Variants in ANKRD11 observed in about 807,000 individuals in gnomAD.
ANKRD11 encodes the protein ankyrin repeat domain-containing protein 11.
ANKRD11 carries 17 observed loss-of-function variants against 195.7 expected under a neutral mutation model. That is an observed-to-expected ratio of 0.09 (90% CI 0.06 to 0.13). ANKRD11 has a LOEUF of 0.13. Among genes scored for constraint, ANKRD11 ranks in the 10% least tolerant of loss-of-function variants. The probability of loss-of-function intolerance (pLI) is 1.00; values close to 1 mark genes in which losing one functional copy is unlikely to be tolerated. For missense variants in ANKRD11, 3,735 were observed against 3,566.1 expected, an observed-to-expected ratio of 1.05 and a Z score of -1.21; for synonymous variants, 1,953 against 1,528.1, an observed-to-expected ratio of 1.28 and a Z score of -6.49.
At chr16:89,459,699 T>G (rs1373579661) in intron 1 of ANKRD11, among the ~76,000 whole-genome samples, 2 of 152,152 alleles carry the variant, frequency 1.3e-5, no homozygotes, top group Admixed American at 6.5e-5. Flanking sequence ...TGGCCCATGC[T>G]TGTAATCCCA....
intron 11 of ANKRD11, chr16:89,271,339 G>A (rs755089058): frequency 6.9e-6 from 2 of 291,298 alleles, no homozygotes; most frequent in Non-Finnish European, 1.3e-5. Flanking sequence ...CAGGGTTCAA[G>A]CGATTCTCCT....
intron 2 of ANKRD11, among the ~76,000 whole-genome samples, chr16:89,400,032 C>T (rs28431356): frequency 0.84 from 68,924 of 82,006 alleles, 29,108 homozygotes; most frequent in Middle Eastern, 0.94. Context: ...CGCTGGAGGC[C>T]GGTCATCTGC....
chr16:89,274,182 C>G (rs913835345), intron 11 of ANKRD11, among the ~76,000 whole-genome samples: 6 of 152,204 alleles, frequency 3.9e-5, no homozygotes, highest in Non-Finnish European at 5.9e-5. Context: ...AGCCACGGGG[C>G]CCTGGCCGCC....
intron 2 of ANKRD11, among the ~76,000 whole-genome samples, chr16:89,351,118 G>C (rs1451460346): frequency 6.6e-6 from 1 of 152,222 alleles, no homozygotes; most frequent in Non-Finnish European, 1.5e-5. Flanking sequence ...AGCTCTCAGA[G>C]AGAATGCACG....
Position 89,280,413 on chromosome 16 carries a change from G to A in ANKRD11, c.6129C>T (p.Ala2043=), listed in dbSNP as rs761444143. The change falls in exon 9 of 13, where the codon GCC becomes GCT. Residue 2043 remains alanine (A), a synonymous_variant. Coordinates refer to ENST00000301030, the MANE Select transcript of ANKRD11 (RefSeq NM_013275.6). ...GLEDVKDGVD[A]VPAAISTSEA... ...CTGAGGTGGAGATGGCGGCGGGGACGGCGTCCACTCCGTCCTTGACGTCCT... is the reference window on the plus strand; with the variant it reads ...CTGAGGTGGAGATGGCGGCGGGGACAGCGTCCACTCCGTCCTTGACGTCCT... 15 of 1,563,832 alleles carry A rather than the reference G, an allele frequency of 9.6e-6. No individual in the cohort carries two copies. The highest frequency in any genetic ancestry group is 8.7e-6 in the Non-Finnish European group (10 of 1,155,036).
At chr16:89,453,799 T>C (rs1232605286) in intron 1 of ANKRD11, among the ~76,000 whole-genome samples, 2 of 151,964 alleles carry the variant, frequency 1.3e-5, no homozygotes, top group Non-Finnish European at 2.9e-5. Context: ...GAACAGGAAG[T>C]AAAACATGAC....
intron 2 of ANKRD11, among the ~76,000 whole-genome samples, chr16:89,398,601 G>A (rs567200633): frequency 3.3e-5 from 5 of 152,234 alleles, no homozygotes; most frequent in African/African-American, 1.2e-4. Flanking sequence ...AAATAGCTGG[G>A]TGTGTTGGCA....
At chr16:89,327,069 G>A (rs62070810) in intron 2 of ANKRD11, among the ~76,000 whole-genome samples, 176 of 38,988 alleles carry the variant, frequency 4.5e-3, no homozygotes, top group African/African-American at 0.01. Flanking sequence ...CAGAGGTGGG[G>A]AATGCAGAGG....
intron 2 of ANKRD11, among the ~76,000 whole-genome samples, chr16:89,330,443 C>G (rs2037987855): frequency 6.6e-6 from 1 of 152,008 alleles, no homozygotes; most frequent in South Asian, 2.1e-4. Context: ...GCAGAAGGCC[C>G]AAATTCCTTG....
chr16:89,427,962 C>G (rs1014370292), intron 1 of ANKRD11, among the ~76,000 whole-genome samples: 1 of 152,040 alleles, frequency 6.6e-6, no homozygotes, highest in African/African-American at 2.4e-5. Flanking sequence ...AATCCCAGCA[C>G]TTTGGGAGGC....
chr16:89,442,578 A>G (rs887735880), intron 1 of ANKRD11, among the ~76,000 whole-genome samples: 4 of 152,182 alleles, frequency 2.6e-5, no homozygotes, highest in Non-Finnish European at 5.9e-5. Flanking sequence ...CCAGCTGGAC[A>G]GTATCATTCA....
Position 89,457,856 on chromosome 16 carries a change from C to G in ANKRD11, c.-145+32389G>C, listed in dbSNP as rs566255013. Among the ~76,000 whole-genome samples, 6 of 152,186 alleles carry G rather than the reference C, an allele frequency of 3.9e-5. No homozygotes were observed. In the South Asian group the frequency reaches 1.2e-3, roughly 32 times the overall value. ...AGGTATAAACATCACTGAAGAAATC[C>G]AGGTACATGTGAAACACACAAGTGT... On this transcript the variant is annotated intron_variant, in intron 1 of 12. Coordinates refer to ENST00000301030, the MANE Select transcript of ANKRD11 (RefSeq NM_013275.6).
At chr16:89,394,289 A>G (rs2041329909) in intron 2 of ANKRD11, among the ~76,000 whole-genome samples, 1 of 152,114 alleles carries the variant, frequency 6.6e-6, no homozygotes, top group African/African-American at 2.4e-5. Flanking sequence ...CCTCTCCTCC[A>G]CACCTGCCAC....
chr16:89,448,603 C>A (rs1202427321), intron 1 of ANKRD11, among the ~76,000 whole-genome samples: 2 of 152,176 alleles, frequency 1.3e-5, no homozygotes, highest in African/African-American at 2.4e-5. Context: ...GACATAAGCA[C>A]AAAAATACCT....
chr16:89,422,994 C>T (rs2042574822), intron 1 of ANKRD11, among the ~76,000 whole-genome samples: 1 of 152,218 alleles, frequency 6.6e-6, no homozygotes, highest in Non-Finnish European at 1.5e-5. Context: ...TTCTTTCTGT[C>T]CACACTGACT....
chr16:89,444,684 G>A (rs1210450477), intron 1 of ANKRD11, among the ~76,000 whole-genome samples: 3 of 152,212 alleles, frequency 2.0e-5, no homozygotes, highest in South Asian at 4.2e-4. Context: ...AGTGGCTCAC[G>A]CTTGTAATCC....
intron 1 of ANKRD11, among the ~76,000 whole-genome samples, chr16:89,428,361 T>TA (rs561899960): frequency 4.4e-4 from 67 of 151,466 alleles, no homozygotes; most frequent in African/African-American, 1.4e-3. Flanking sequence ...CCGTCTCTAC[T>TA]AAAAATACAA....
chr16:89,334,144 TA>T (rs869142504), intron 2 of ANKRD11, among the ~76,000 whole-genome samples: 39 of 41,414 alleles, frequency 9.4e-4, no homozygotes, highest in East Asian at 5.3e-3. Context: ...CCCTGTGTTT[TA>T]AAAAAAAAAA....
At chr16:89,327,803 A>G (rs1295330859) in intron 2 of ANKRD11, among the ~76,000 whole-genome samples, 1 of 152,230 alleles carries the variant, frequency 6.6e-6, no homozygotes. Context: ...AGGAAAAAAC[A>G]GGAGAAAATC....
Sources: gnomAD v4.1 joint callset for allele counts (sites outside exome capture counted in the v4.1 genomes callset) on GRCh38, gnomAD v4.1.1 for gene constraint, MANE v1.5 for transcripts, NCBI Gene and HGNC (gene_info 2026-07-23, HGNC 2026-07-21) for gene names.